Variants in KCNMA1 observed in about 807,000 individuals in gnomAD.
KCNMA1 encodes the protein Calcium-activated potassium channel subunit alpha-1.
A neutral mutation model predicts 140.0 loss-of-function variants in KCNMA1; 29 were observed. The observed-to-expected ratio is 0.21, with a 90% CI of 0.15 to 0.28. KCNMA1 has a LOEUF of 0.28. KCNMA1 is among the 10% of genes least tolerant of loss of function. The pLI is 1.00. For missense variants in KCNMA1, 880 were observed against 1,602.2 expected (o/e 0.55, Z 7.70); for synonymous variants, 612 against 611.9 (o/e 1.00, Z 0.00).
intron 18 of KCNMA1, among the ~76,000 whole-genome samples, chr10:77,007,312 CT>C (rs1340325652): frequency 2.6e-5 from 4 of 152,146 alleles, no homozygotes; most frequent in African/African-American, 9.6e-5. Flanking sequence ...GTAAAGGGAT[CT>C]TCCAAGATGT....
chr10:76,943,734 T>C (rs974611874), intron 23 of KCNMA1, among the ~76,000 whole-genome samples: 3 of 152,076 alleles, frequency 2.0e-5, no homozygotes, highest in African/African-American at 7.2e-5. Context: ...GCTAAGCAAA[T>C]GTTAGAAGGC....
chr10:77,513,894 C>G (rs2049307049), intron 1 of KCNMA1, among the ~76,000 whole-genome samples: 1 of 152,226 alleles, frequency 6.6e-6, no homozygotes, highest in Non-Finnish European at 1.5e-5. Context: ...CTGACTCAAG[C>G]TCATTGCATT....
At chr10:77,409,556 G>A (rs1176982850) in intron 1 of KCNMA1, among the ~76,000 whole-genome samples, 3 of 152,208 alleles carry the variant, frequency 2.0e-5, no homozygotes, top group African/African-American at 7.2e-5. Flanking sequence ...TCCTAGGACT[G>A]GCAGAAGGCT....
chr10:77,437,458 T>A (rs2097289379), intron 1 of KCNMA1, among the ~76,000 whole-genome samples: 1 of 152,222 alleles, frequency 6.6e-6, no homozygotes, highest in Non-Finnish European at 1.5e-5. Flanking sequence ...ACTGCTTTTG[T>A]AAATGTCTTT....
chr10:77,417,446 G>C (rs1476089714), intron 1 of KCNMA1, among the ~76,000 whole-genome samples: 1 of 152,202 alleles, frequency 6.6e-6, no homozygotes, highest in Non-Finnish European at 1.5e-5. Context: ...TGACGTCTGG[G>C]TAAACCAGGC....
chr10:77,612,966 T>C (rs1484138793), intron 1 of KCNMA1, among the ~76,000 whole-genome samples: 1 of 151,978 alleles, frequency 6.6e-6, no homozygotes, highest in Non-Finnish European at 1.5e-5. Flanking sequence ...GCTCAATAAC[T>C]GTTTATTTTG....
chr10:77,524,710 G>A (rs976635619), intron 1 of KCNMA1, among the ~76,000 whole-genome samples: 4 of 152,098 alleles, frequency 2.6e-5, no homozygotes, highest in Non-Finnish European at 4.4e-5. Flanking sequence ...GTGGCAGCTC[G>A]GGACTGAGGG....
intron 20 of KCNMA1, among the ~76,000 whole-genome samples, chr10:76,960,521 A>G (rs1192162636): frequency 6.7e-6 from 1 of 150,334 alleles, no homozygotes; most frequent in Non-Finnish European, 1.5e-5. Flanking sequence ...GCCCAGCAAC[A>G]GGGCCAGACC....
chr10:77,482,769 C>T (rs2098412979), intron 1 of KCNMA1, among the ~76,000 whole-genome samples: 1 of 152,050 alleles, frequency 6.6e-6, no homozygotes, highest in South Asian at 2.1e-4. Flanking sequence ...CTTTCCTAGT[C>T]CTTTTCTTAT....
At chr10:77,352,327 T>G (rs747457357) in intron 2 of KCNMA1, among the ~76,000 whole-genome samples, 5 of 152,220 alleles carry the variant, frequency 3.3e-5, no homozygotes, top group Non-Finnish European at 7.3e-5. Flanking sequence ...TTCACATCTG[T>G]TGTCCCGTGA....
chr10:77,494,922 T>C (rs544867927), intron 1 of KCNMA1, among the ~76,000 whole-genome samples: 2 of 152,320 alleles, frequency 1.3e-5, no homozygotes, highest in Non-Finnish European at 2.9e-5. Flanking sequence ...TTCATCTTTA[T>C]AGGCATTCTC....
In KCNMA1 at chr10:77,183,534, TG is replaced by T. The variant is rs1565057753; in HGVS notation, c.697-3del. On this transcript the variant is annotated splice_region_variant and splice_polypyrimidine_tract_variant and intron_variant, in intron 4 of 27. Coordinates refer to ENST00000286628, the MANE Select transcript of KCNMA1 (RefSeq NM_001161352.2). ...CAATTTATCGTTGGCTGCAATAAAC[TG>T]GGGGAAAGAAGAAATAAGAAAGAGA... The T allele has an allele frequency of 1.3e-6, 2 of 1,594,000 alleles. No homozygotes were observed. The highest frequency in any genetic ancestry group is 8.6e-7 in the Non-Finnish European group (1 of 1,162,320).
chr10:77,046,373 A>G (rs2095054832), intron 14 of KCNMA1, among the ~76,000 whole-genome samples: 1 of 152,174 alleles, frequency 6.6e-6, no homozygotes, highest in Admixed American at 6.5e-5. Context: ...CGTATTTATC[A>G]TGACCCCACA....
At chr10:77,343,058 T>C (rs2091343330) in intron 2 of KCNMA1, among the ~76,000 whole-genome samples, 1 of 152,064 alleles carries the variant, frequency 6.6e-6, no homozygotes, top group South Asian at 2.1e-4. Flanking sequence ...TGGATTTATG[T>C]CTCCTGGGCT....
chr10:76,948,678 C>A (rs2065137480), intron 22 of KCNMA1, among the ~76,000 whole-genome samples: 1 of 152,170 alleles, frequency 6.6e-6, no homozygotes, highest in South Asian at 2.1e-4. Context: ...AGGAGTTGGC[C>A]TTCTGTACAG....
At chr10:77,430,945 G>A (rs762051576) in intron 1 of KCNMA1, among the ~76,000 whole-genome samples, 3 of 152,120 alleles carry the variant, frequency 2.0e-5, no homozygotes, top group Admixed American at 6.5e-5. Context: ...ACACAATAAA[G>A]CCTCCCCAAT....
chr10:77,185,108 A>C (rs2098838030), intron 3 of KCNMA1, among the ~76,000 whole-genome samples, 192 bp from the exon 4 acceptor site: 1 of 152,116 alleles, frequency 6.6e-6, no homozygotes, highest in Non-Finnish European at 1.5e-5. Context: ...TCAACCATTC[A>C]GGAACTACTG....
At chr10:77,429,657 TAAG>T (rs1374555739) in intron 1 of KCNMA1, among the ~76,000 whole-genome samples, 4 of 152,198 alleles carry the variant, frequency 2.6e-5, no homozygotes, top group South Asian at 4.1e-4. Flanking sequence ...AGTTCTGCAA[TAAG>T]AAGAACACTA....
chr10:76,936,017 A>G (rs950424017), intron 23 of KCNMA1, among the ~76,000 whole-genome samples: 2 of 152,234 alleles, frequency 1.3e-5, no homozygotes, highest in Non-Finnish European at 2.9e-5. Context: ...CTAGGAATAC[A>G]TTACTAGAAT....
Sources: gnomAD v4.1 joint callset for allele counts (sites outside exome capture counted in the v4.1 genomes callset) on GRCh38, gnomAD v4.1.1 for gene constraint, MANE v1.5 for transcripts, NCBI Gene and HGNC (gene_info 2026-07-23, HGNC 2026-07-21) for gene names.